The following SLC24A3 variants were observed in gnomAD, a reference collection of about 807,000 sequenced individuals.
SLC24A3 encodes sodium/potassium/calcium exchanger 3.
In SLC24A3, 28 loss-of-function variants were observed where a neutral mutation model predicts 75.8. The ratio of observed to expected loss-of-function variants is 0.37; its 90% confidence interval spans 0.27 to 0.51. SLC24A3 has a LOEUF of 0.51. Ranked by LOEUF, SLC24A3 falls within the 20% of genes least tolerant of loss-of-function variation. SLC24A3 has a pLI of 0.94. For missense variants in SLC24A3, 663 were observed against 847.8 expected (o/e 0.78, Z 2.71); for synonymous variants, 372 against 334.1 (o/e 1.11, Z -1.24).
intron 6 of SLC24A3, among the ~76,000 whole-genome samples, chr20:19,592,207 G>T (rs1025825034): frequency 6.6e-6 from 1 of 152,282 alleles, no homozygotes; most frequent in East Asian, 1.9e-4. Context: ...TTTCCCTGAC[G>T]AGCCATAATG....
At chr20:19,476,988 C>T (rs976660960) in intron 2 of SLC24A3, among the ~76,000 whole-genome samples, 5 of 152,002 alleles carry the variant, frequency 3.3e-5, no homozygotes, top group African/African-American at 1.2e-4. Context: ...TGTGGGTAAA[C>T]CCTACGGGTG....
At chr20:19,400,166 C>T (rs1488417338) in intron 2 of SLC24A3, among the ~76,000 whole-genome samples, 1 of 152,098 alleles carries the variant, frequency 6.6e-6, no homozygotes, top group East Asian at 1.9e-4. Flanking sequence ...TGTTTTTCTA[C>T]TCCTTTGTAC....
intron 2 of SLC24A3, among the ~76,000 whole-genome samples, chr20:19,432,953 A>T (rs1231427816): frequency 6.6e-6 from 1 of 152,234 alleles, no homozygotes; most frequent in South Asian, 2.1e-4. Context: ...GCTCAAGGTC[A>T]TCGCCAAGGT....
intron 2 of SLC24A3, among the ~76,000 whole-genome samples, chr20:19,464,453 C>G (rs548402001): frequency 6.6e-6 from 1 of 152,384 alleles, no homozygotes; most frequent in African/African-American, 2.4e-5. Flanking sequence ...AGCCCATTCA[C>G]GTGCATGCTC....
At chr20:19,544,749 A>G (rs76600438) in intron 3 of SLC24A3, among the ~76,000 whole-genome samples, 1 of 152,190 alleles carries the variant, frequency 6.6e-6, no homozygotes, top group Admixed American at 6.5e-5. Flanking sequence ...CTCTCTCCAC[A>G]TTGGATCCAA....
chr20:19,693,061 T>G, intron 12 of SLC24A3, 198 bp from the exon 13 acceptor site: 1 of 552,242 alleles, frequency 1.8e-6, no homozygotes, highest in Non-Finnish European at 3.0e-6. Flanking sequence ...GTAATTTTTT[T>G]TTTAATTCTG....
chr20:19,569,446 G>T (rs569623493), intron 3 of SLC24A3, among the ~76,000 whole-genome samples: 3 of 151,964 alleles, frequency 2.0e-5, no homozygotes, highest in East Asian at 3.9e-4. Context: ...TGTCCCACTT[G>T]TGCCTCCCAT....
chr20:19,223,450 T>C (rs573774885), intron 1 of SLC24A3, among the ~76,000 whole-genome samples: 5 of 152,332 alleles, frequency 3.3e-5, no homozygotes, highest in African/African-American at 9.6e-5. Context: ...GTTATTTGTA[T>C]GGTAGTCCCT....
chr20:19,662,985 G>A (rs1418004156), intron 7 of SLC24A3, among the ~76,000 whole-genome samples: 1 of 152,162 alleles, frequency 6.6e-6, no homozygotes, highest in East Asian at 1.9e-4. Flanking sequence ...CCAGCTGCTT[G>A]TTCTCCAAAT....
intron 12 of SLC24A3, among the ~76,000 whole-genome samples, chr20:19,688,272 C>T (rs376003015): frequency 5.9e-5 from 9 of 152,148 alleles, no homozygotes; most frequent in African/African-American, 1.4e-4. Context: ...ACTTGGAGCA[C>T]GGAGAGGCTA....
chr20:19,677,914 G>A (rs2032546613), intron 9 of SLC24A3, among the ~76,000 whole-genome samples: 1 of 151,236 alleles, frequency 6.6e-6, no homozygotes, highest in South Asian at 2.1e-4. Context: ...GACTCTTAAC[G>A]AGCATGCTGC....
intron 2 of SLC24A3, among the ~76,000 whole-genome samples, chr20:19,480,724 G>T (rs1037063445): frequency 6.6e-6 from 1 of 151,702 alleles, no homozygotes; most frequent in Non-Finnish European, 1.5e-5. Context: ...CAGAAAGGGG[G>T]AAGTTCCCCA....
At chr20:19,691,960 T>A (rs2032750122) in intron 12 of SLC24A3, among the ~76,000 whole-genome samples, 1 of 152,124 alleles carries the variant, frequency 6.6e-6, no homozygotes, top group Non-Finnish European at 1.5e-5. Context: ...GAGAAACCCC[T>A]CTGCCTCCCA....
At chr20:19,557,109 C>A (rs1019561088) in intron 3 of SLC24A3, among the ~76,000 whole-genome samples, 1 of 152,154 alleles carries the variant, frequency 6.6e-6, no homozygotes, top group Admixed American at 6.5e-5. Context: ...CTCAGCAGGG[C>A]AAACTGTGGT....
At chr20:19,564,859 A>T (rs1416120695) in intron 3 of SLC24A3, among the ~76,000 whole-genome samples, 8 of 152,222 alleles carry the variant, frequency 5.3e-5, no homozygotes, top group Admixed American at 5.2e-4. Flanking sequence ...TAATCCTACC[A>T]TATTATCTTC....
chr20:19,531,793 G>T (rs761684572), intron 3 of SLC24A3, among the ~76,000 whole-genome samples: 4 of 152,188 alleles, frequency 2.6e-5, no homozygotes, highest in Non-Finnish European at 5.9e-5. Flanking sequence ...AGACCACAGC[G>T]AAAAGTGAAA....
At chr20:19,698,440 C>T in intron 14 of SLC24A3, 128 bp from the exon 15 acceptor site, 1 of 608,910 alleles carries the variant, frequency 1.6e-6, no homozygotes, top group East Asian at 2.8e-5. Context: ...GGGTGATGGC[C>T]TTGAAAGAGA....
chr20:19,223,150 G>A (rs936603061), intron 1 of SLC24A3, among the ~76,000 whole-genome samples: 6 of 152,080 alleles, frequency 3.9e-5, no homozygotes, highest in African/African-American at 1.4e-4. Context: ...AAATTAACTG[G>A]GTGAAGTGGC....
At chr20:19,684,747 T>C (rs1230315528) in intron 11 of SLC24A3, among the ~76,000 whole-genome samples, 3 of 152,198 alleles carry the variant, frequency 2.0e-5, no homozygotes, top group Non-Finnish European at 2.9e-5. Context: ...ATTGATACAC[T>C]AGACCAAACA....
Sources: gnomAD v4.1 joint callset for allele counts (sites outside exome capture counted in the v4.1 genomes callset) on GRCh38, gnomAD v4.1.1 for gene constraint, MANE v1.5 for transcripts, NCBI Gene and HGNC (gene_info 2026-07-23, HGNC 2026-07-21) for gene names.